STPG2: variants seen among roughly 807,000 people sequenced by gnomAD.
STPG2 encodes the protein sperm tail PG-rich repeat containing 2.
In STPG2, 56 loss-of-function variants were observed where a neutral mutation model predicts 54.2. That is an observed-to-expected ratio of 1.03 (90% CI 0.83 to 1.29). The LOEUF (loss-of-function observed/expected upper bound fraction) is 1.29, where lower values mean the gene tolerates loss of function less well. Among genes scored for constraint, STPG2 ranks in the 50% most tolerant of loss-of-function variants. The probability of loss-of-function intolerance (pLI) is 0.00; values close to 1 mark genes in which losing one functional copy is unlikely to be tolerated. For missense variants in STPG2, 596 were observed against 544.9 expected (o/e 1.09, Z -0.93); for synonymous variants, 200 against 181.8 (o/e 1.10, Z -0.81).
At chr4:97,834,713 C>A (rs1483523083) in intron 9 of STPG2, among the ~76,000 whole-genome samples, 4 of 151,966 alleles carry the variant, frequency 2.6e-5, no homozygotes. Context: ...TAGACTAACC[C>A]TGCTTATTCC....
chr4:97,506,568 TAAATC>T (rs1345795509), intron 4 of STPG2, among the ~76,000 whole-genome samples: 1 of 151,886 alleles, frequency 6.6e-6, no homozygotes, highest in Non-Finnish European at 1.5e-5. Flanking sequence ...TTTATATAGT[TAAATC>T]TAAATAAATA....
intron 8 of STPG2, among the ~76,000 whole-genome samples, chr4:97,935,439 C>T (rs888040519): frequency 1.3e-5 from 2 of 152,108 alleles, no homozygotes; most frequent in Admixed American, 6.6e-5. Context: ...GATTTGTTTG[C>T]TCTTGCTTCT....
intron 9 of STPG2, among the ~76,000 whole-genome samples, chr4:97,781,247 A>C (rs1010637803): frequency 1.3e-5 from 2 of 152,208 alleles, no homozygotes; most frequent in African/African-American, 4.8e-5. Context: ...GATAAAGGAG[A>C]TATCACCACT....
At chr4:97,891,615 G>C (rs1426955969) in intron 8 of STPG2, among the ~76,000 whole-genome samples, 1 of 151,842 alleles carries the variant, frequency 6.6e-6, no homozygotes, top group Non-Finnish European at 1.5e-5. Context: ...ATTTCTTTCA[G>C]TCCTATCTGA....
chr4:97,552,338 C>CA (rs1731983744), intron 4 of STPG2, among the ~76,000 whole-genome samples: 1 of 151,666 alleles, frequency 6.6e-6, no homozygotes, highest in East Asian at 1.9e-4. Flanking sequence ...GGATAAGTGC[C>CA]AAAAAAGTGT....
At chr4:97,937,176 G>A (rs1180900636) in intron 8 of STPG2, among the ~76,000 whole-genome samples, 1 of 151,694 alleles carries the variant, frequency 6.6e-6, no homozygotes, top group Non-Finnish European at 1.5e-5. Flanking sequence ...TTCAGCTATT[G>A]ATATTTGTGT....
In STPG2 at chr4:97,525,636, T is replaced by C. The variant is rs142444566; in HGVS notation, c.462+187063A>G. 1.5e-3 allele frequency among the ~76,000 whole-genome samples: 221 copies of C among 152,056 alleles called. 1 individual carries two copies. Among genetic ancestry groups the C allele is most frequent in the Admixed American group, 3.6e-3 (55 of 15,216 alleles). On this transcript the variant is annotated intron_variant, in intron 4 of 4. Coordinates refer to the STPG2 transcript ENST00000522676. Reference sequence around the variant, plus strand: ...TGCTCAGGAGCCAAACAAAAACTATTGTACATGTGAATAAGCAGGAAATTC... The same window carrying C: ...TGCTCAGGAGCCAAACAAAAACTATCGTACATGTGAATAAGCAGGAAATTC...
At chr4:97,539,411 G>C (rs1357648171) in intron 4 of STPG2, among the ~76,000 whole-genome samples, 2 of 152,082 alleles carry the variant, frequency 1.3e-5, no homozygotes, top group Non-Finnish European at 2.9e-5. Context: ...TGATAAAATA[G>C]ACTTTAAACC....
chr4:97,723,786 G>A (rs1724532813), intron 9 of STPG2, among the ~76,000 whole-genome samples: 1 of 152,188 alleles, frequency 6.6e-6, no homozygotes, highest in Non-Finnish European at 1.5e-5. Flanking sequence ...TCACGAGGCA[G>A]TAGGAGAGAG....
At chr4:97,492,298 T>C (rs1045794793) in intron 4 of STPG2, among the ~76,000 whole-genome samples, 2 of 151,486 alleles carry the variant, frequency 1.3e-5, no homozygotes, top group Non-Finnish European at 3.0e-5. Flanking sequence ...TAAAATTCAA[T>C]GAGCCTCTTG....
In STPG2 at chr4:97,827,236, C is replaced by CTT. The variant is rs34545198; in HGVS notation, c.1204+13535_1204+13536dup. Among the ~76,000 whole-genome samples, 259 of 129,908 alleles carry CTT rather than the reference C, an allele frequency of 2.0e-3. 3 individuals carry two copies. Among genetic ancestry groups the CTT allele is most frequent in the Middle Eastern group, 4.2e-3 (1 of 240 alleles). The allele number at this position is 129,908 out of a possible 152,430, so 85.2% of individuals were successfully genotyped here. A position where few individuals can be genotyped will look rare whatever the true frequency, so the allele number is the denominator to read the frequency against. On this transcript the variant is annotated intron_variant, in intron 9 of 10. Transcript: ENST00000295268. ...AAGGAAACTTTTGAGCTATAGACAG[C>CTT]TTTTTTTTTTTTTTTTTGAGATGGA...
intron 7 of STPG2, among the ~76,000 whole-genome samples, chr4:97,944,827 C>T (rs1733140503): frequency 6.6e-6 from 1 of 152,082 alleles, no homozygotes; most frequent in African/African-American, 2.4e-5. Flanking sequence ...ACATGATCTG[C>T]CTCTACCCAA....
rs375079537 is a variant in STPG2, at chr4:97,577,448, G to A, written c.1321-18331C>T. On this transcript the variant is annotated intron_variant, in intron 10 of 10. Coordinates refer to ENST00000295268, the MANE Select transcript of STPG2 (RefSeq NM_174952.3). ...CACTTTTTGCAGCAACATGGATGCA[G>A]CTGGAGGCCAATATCCTAAATGAAT... Among the ~76,000 whole-genome samples the A allele has an allele frequency of 4.6e-5, 7 of 152,242 alleles. No homozygotes were observed. In the East Asian group the frequency reaches 1.2e-3, roughly 25 times the overall value.
At chr4:97,474,567 T>G (rs1730025741) in intron 4 of STPG2, among the ~76,000 whole-genome samples, 1 of 152,174 alleles carries the variant, frequency 6.6e-6, no homozygotes, top group Non-Finnish European at 1.5e-5. Context: ...TACTACCCCT[T>G]GGTATATATC....
At chr4:98,034,426 C>T (rs1447537743) in intron 5 of STPG2, among the ~76,000 whole-genome samples, 1 of 152,116 alleles carries the variant, frequency 6.6e-6, no homozygotes, top group Non-Finnish European at 1.5e-5. Context: ...GAACTACAAA[C>T]CATCACTCAA....
intron 10 of STPG2, among the ~76,000 whole-genome samples, chr4:97,634,818 C>T (rs1441438627): frequency 5.3e-5 from 8 of 151,164 alleles, no homozygotes; most frequent in Admixed American, 6.6e-5. Flanking sequence ...TGAGCAAAGC[C>T]TCCAAGAAAT....
intron 10 of STPG2, among the ~76,000 whole-genome samples, chr4:97,596,286 G>T (rs1733291692): frequency 6.6e-6 from 1 of 152,118 alleles, no homozygotes; most frequent in Non-Finnish European, 1.5e-5. Flanking sequence ...TGTAAGAAGA[G>T]ACTTAGATTT....
chr4:97,460,425 C>T (rs1307801575), intron 4 of STPG2, among the ~76,000 whole-genome samples: 1 of 147,832 alleles, frequency 6.8e-6, no homozygotes, highest in African/African-American at 2.5e-5. Context: ...AATTATTTTT[C>T]TTTTTTTTTT....
chr4:97,747,820 T>G lies in STPG2; in HGVS notation c.1205-35006A>C, dbSNP rs1349441451. 2.0e-5 allele frequency among the ~76,000 whole-genome samples: 3 copies of G among 151,476 alleles called. No individual in the cohort carries two copies. In the Admixed American group the frequency reaches 2.0e-4, roughly 10 times the overall value. On this transcript the variant is annotated intron_variant, in intron 9 of 10. Coordinates refer to ENST00000295268, the MANE Select transcript of STPG2 (RefSeq NM_174952.3). ...TCTTGTTCAACAATCATTGCTAGTT[T>G]CTCATCTTTGCTTAGAAATTCTTGG...
Sources: allele counts gnomAD v4.1 joint callset (sites outside exome capture counted in the v4.1 genomes callset), GRCh38; gene constraint gnomAD v4.1.1; transcripts MANE v1.5; gene names NCBI Gene and HGNC (gene_info 2026-07-23, HGNC 2026-07-21).